The following EFEMP1 variants were observed in gnomAD, a reference collection of about 807,000 sequenced individuals.
EFEMP1 encodes the protein EGF-like fibulin extracellular matrix protein 1, also known as EGF-containing fibulin-like extracellular matrix protein 1.
Under a neutral mutation model 65.7 loss-of-function variants are expected in EFEMP1, and 18 were observed. The observed-to-expected ratio is 0.27, with a 90% CI of 0.19 to 0.41. The LOEUF is 0.41. Among genes scored for constraint, EFEMP1 ranks in the 10% least tolerant of loss-of-function variants. The pLI is 1.00. For synonymous variants in EFEMP1, 237 were observed against 219.7 expected (o/e 1.08, Z -0.70); for missense variants, 469 against 624.8 (o/e 0.75, Z 2.66).
At chr2:55,882,104 A>C (rs1358933295) in intron 5 of EFEMP1, among the ~76,000 whole-genome samples, 1 of 152,160 alleles carries the variant, frequency 6.6e-6, no homozygotes, top group Non-Finnish European at 1.5e-5. Flanking sequence ...TTTGTTAGAC[A>C]GGGATGCATC....
At chr2:55,878,172 G>C (rs1011995427) in intron 6 of EFEMP1, among the ~76,000 whole-genome samples, 5 of 152,098 alleles carry the variant, frequency 3.3e-5, no homozygotes, top group African/African-American at 9.7e-5. Flanking sequence ...GGAGCTAAAA[G>C]CTTATATATA....
In EFEMP1 at chr2:55,873,066, C is replaced by CACACA. The variant is rs55817415; in HGVS notation, c.1000+1879_1000+1880insTGTGT. 1.4e-5 allele frequency among the ~76,000 whole-genome samples: 2 copies of CACACA among 145,294 alleles called. No homozygotes were observed. Among genetic ancestry groups the CACACA allele is most frequent in the Admixed American group, 6.9e-5 (1 of 14,450 alleles). On this transcript the variant is annotated intron_variant, in intron 9 of 11. Transcript: ENST00000355426. The surrounding 1 kb of genome is among the most constrained non-coding windows in gnomAD (Gnocchi z 4.6). Reference sequence around the variant, plus strand: ...TTCTTTTGTCTCTCTGTCTCTCTCTCCACACACACACACACACACACACAC... The same window carrying CACACA: ...TTCTTTTGTCTCTCTGTCTCTCTCTCACACACACACACACACACACACACACACAC...
chr2:55,918,375 A>AT, intron 3 of EFEMP1, 108 bp from the exon 4 acceptor site: 1 of 1,290,852 alleles, frequency 7.7e-7, no homozygotes, highest in South Asian at 1.2e-5. Context: ...TCCTTGTGCT[A>AT]AAGTCCTAGA....
chr2:55,881,958 T>C (rs1032590448), intron 5 of EFEMP1, among the ~76,000 whole-genome samples: 1 of 152,206 alleles, frequency 6.6e-6, no homozygotes, highest in Non-Finnish European at 1.5e-5. Flanking sequence ...CATTTTGTCA[T>C]GTTGGTCTTG....
At chr2:55,893,365 G>A (rs1469642241) in intron 5 of EFEMP1, among the ~76,000 whole-genome samples, 1 of 152,076 alleles carries the variant, frequency 6.6e-6, no homozygotes, top group African/African-American at 2.4e-5. Flanking sequence ...TTTTTAGAAA[G>A]TCTGAGAATC....
chr2:55,906,096 C>T (rs1035737752), intron 5 of EFEMP1, among the ~76,000 whole-genome samples: 11 of 152,118 alleles, frequency 7.2e-5, no homozygotes, highest in Non-Finnish European at 1.6e-4. Flanking sequence ...GCTTAAATTG[C>T]ACGACAATTA....
chr2:55,900,432 C>T (rs972554576), intron 5 of EFEMP1, among the ~76,000 whole-genome samples: 4 of 152,070 alleles, frequency 2.6e-5, no homozygotes, highest in Admixed American at 2.0e-4. Context: ...ACTCAACTGG[C>T]TCACAGAGGT....
rs1669095176 is a variant in EFEMP1 at position 55,877,834 on chromosome 2, G to A, written c.672C>T (p.Cys224=). 2 of 1,613,152 alleles carry A rather than the reference G, an allele frequency of 1.2e-6. No individual in the cohort carries two copies. Among genetic ancestry groups the A allele is most frequent in the East Asian group, 4.5e-5 (2 of 44,854 alleles). The change falls in exon 7 of 12, where the codon TGC becomes TGT. Residue 224 remains cysteine, a synonymous_variant. Coordinates refer to ENST00000355426, the MANE Select transcript of EFEMP1 (RefSeq NM_001039348.3). The surrounding 1 kb of genome is among the most constrained non-coding windows in gnomAD (Gnocchi z 4.5). ...CTGGTGTATTCACGCATCTTTGGTG[G>A]CAATATGGAGGGATGGTACATTCAT... is the stretch of plus-strand genomic sequence containing the variant. ...DIDECTIPPY[C]HQRCVNTPGS... is the part of the protein sequence containing the mutation.
chr2:55,910,304 A>C (rs1264540348), intron 5 of EFEMP1, among the ~76,000 whole-genome samples: 1 of 152,118 alleles, frequency 6.6e-6, no homozygotes, highest in Non-Finnish European at 1.5e-5. Flanking sequence ...CCAATATTTG[A>C]AATGCAGTTT....
In EFEMP1 at chr2:55,885,808, G is replaced by A. The variant is rs1669401294; in HGVS notation, c.518-4074C>T. Among the ~76,000 whole-genome samples the A allele has an allele frequency of 6.6e-6, 1 of 152,020 alleles. No individual in the cohort carries two copies. The highest frequency in any genetic ancestry group is 2.1e-4 in the South Asian group (1 of 4,810). On this transcript the variant is annotated intron_variant, in intron 5 of 11. Coordinates refer to ENST00000355426, the MANE Select transcript of EFEMP1 (RefSeq NM_001039348.3). The surrounding 1 kb of genome is among the most constrained non-coding windows in gnomAD (Gnocchi z 4.3). ...GAGACAACTTTGTCCACATCTCTGTGGTGTCCATTAAGTCCCTGCTTAGGC... is the reference window on the plus strand; with the variant it reads ...GAGACAACTTTGTCCACATCTCTGTAGTGTCCATTAAGTCCCTGCTTAGGC...
intron 3 of EFEMP1, among the ~76,000 whole-genome samples, chr2:55,918,730 C>G (rs1397739223): frequency 6.7e-6 from 1 of 148,950 alleles, no homozygotes; most frequent in Non-Finnish European, 1.5e-5. Flanking sequence ...TCAAGCACCT[C>G]CATCTCACAC....
At position 55,871,087 on chromosome 2, in the gene EFEMP1, T is replaced by C. The variant is rs1668790660; in HGVS notation, c.1037A>G (p.Glu346Gly). 1 of 1,613,606 alleles carries C rather than the reference T, an allele frequency of 6.2e-7. No homozygotes were observed. The highest frequency in any genetic ancestry group is 8.5e-7 in the Non-Finnish European group (1 of 1,179,754). ...NECETTNECR[E>G]DEMCWNYHGG... Reference sequence around the variant, plus strand: ...ATGATAATTCCAACACATTTCATCCTCCCGGCATTCATTTGTGGTCTCACA... The same window carrying C: ...ATGATAATTCCAACACATTTCATCCCCCCGGCATTCATTTGTGGTCTCACA... The change falls in exon 10 of 12, where the codon GAG (glutamate) becomes GGG (glycine). Residue 346 changes from glutamate to glycine, a missense_variant. By Grantham distance (98) the Glu-to-Gly change is moderately conservative. Coordinates refer to ENST00000355426, the MANE Select transcript of EFEMP1 (RefSeq NM_001039348.3). This position sits in a 1 kb window ranked among gnomAD's most constrained non-coding sequence, Gnocchi z 4.2.
chr2:55,893,945 A>G (rs1417817263), intron 5 of EFEMP1, among the ~76,000 whole-genome samples: 1 of 152,208 alleles, frequency 6.6e-6, no homozygotes, highest in Non-Finnish European at 1.5e-5. Context: ...ACAGGCAAAC[A>G]CAGCCTTTCT....
Position 55,876,752 on chromosome 2 carries a change from AG to A in EFEMP1, c.761-11del, listed in dbSNP as rs779945400. ...TCACATTCATTTATATCTGAAAAAA[AG>A]TTTTATATATATATATATGTATATG... On this transcript the variant is annotated splice_polypyrimidine_tract_variant and intron_variant, in intron 7 of 11. Transcript: ENST00000355426. The A allele has an allele frequency of 6.5e-7, 1 of 1,532,834 alleles. No homozygotes were observed. The highest frequency in any genetic ancestry group is 1.2e-5 in the South Asian group (1 of 85,650). 95.0% of individuals were successfully genotyped at this position (1,532,834 alleles called of 1,614,324 possible).
In EFEMP1 at chr2:55,923,540, C is replaced by G. The variant is rs887363861; in HGVS notation, c.-49+171G>C. Among the ~76,000 whole-genome samples, 2 of 152,184 alleles carry G rather than the reference C, an allele frequency of 1.3e-5. No homozygotes were observed. Among genetic ancestry groups the G allele is most frequent in the African/African-American group, 4.8e-5 (2 of 41,454 alleles). On this transcript the variant is annotated intron_variant, in intron 1 of 11. Coordinates refer to ENST00000355426, the MANE Select transcript of EFEMP1 (RefSeq NM_001039348.3). The surrounding 1 kb of genome is among the most constrained non-coding windows in gnomAD (Gnocchi z 5.3). ...CGAGTACTCGCACTTGCTGACAGATCGCATTCCGAGGCTGCACACCTCCAC... is the reference window on the plus strand; with the variant it reads ...CGAGTACTCGCACTTGCTGACAGATGGCATTCCGAGGCTGCACACCTCCAC...
In EFEMP1 at chr2:55,877,683, T is replaced by A; in HGVS notation, c.760+63A>T. 3 of 1,609,252 alleles carry A rather than the reference T, an allele frequency of 1.9e-6. No individual in the cohort carries two copies. The highest frequency in any genetic ancestry group is 2.5e-6 in the Non-Finnish European group (3 of 1,176,716). Reference sequence around the variant, plus strand: ...CAAGAACATAGAAAACTGGAAATACTGCAACATGGCATGGGGTTTCCTTTT... The same window carrying A: ...CAAGAACATAGAAAACTGGAAATACAGCAACATGGCATGGGGTTTCCTTTT... On this transcript the variant is annotated intron_variant, in intron 7 of 11. Transcript: ENST00000355426. The surrounding 1 kb of genome is among the most constrained non-coding windows in gnomAD (Gnocchi z 4.5).
intron 5 of EFEMP1, among the ~76,000 whole-genome samples, chr2:55,908,223 G>A (rs997612259): frequency 6.6e-6 from 1 of 152,178 alleles, no homozygotes; most frequent in Non-Finnish European, 1.5e-5. Context: ...AAATGTCCAA[G>A]GTAAGATGGA....
In EFEMP1 at chr2:55,887,268, T is replaced by G. The variant is rs568599584; in HGVS notation, c.518-5534A>C. Among the ~76,000 whole-genome samples the G allele has an allele frequency of 2.0e-5, 3 of 152,334 alleles. No homozygotes were observed. In the East Asian group the frequency reaches 5.8e-4, roughly 29 times the overall value. On this transcript the variant is annotated intron_variant, in intron 5 of 11. Coordinates refer to ENST00000355426, the MANE Select transcript of EFEMP1 (RefSeq NM_001039348.3). ...CTGCAATTTAGGTCCTGAGGAAGAC[T>G]TATTTCCTATGAGTTCTGGAGAGTA...
At position 55,877,825 on chromosome 2, in the gene EFEMP1, T is replaced by C; in HGVS notation, c.681A>G (p.Arg227=). The part of the protein sequence containing the change: ...ECTIPPYCHQ[R]CVNTPGSFYC... ...AAAATGAGCCTGGTGTATTCACGCA[T>C]CTTTGGTGGCAATATGGAGGGATGG... The change falls in exon 7 of 12, where the codon AGA becomes AGG. Residue 227 remains arginine (R), a synonymous_variant. Transcript: ENST00000355426. The surrounding 1 kb of genome is among the most constrained non-coding windows in gnomAD (Gnocchi z 4.5). The C allele has an allele frequency of 1.2e-6, 2 of 1,613,312 alleles. No individual in the cohort carries two copies. The highest frequency in any genetic ancestry group is 1.7e-6 in the Non-Finnish European group (2 of 1,179,382).
Sources: gnomAD v4.1 joint callset for allele counts (sites outside exome capture counted in the v4.1 genomes callset) on GRCh38, gnomAD v4.1.1 for gene constraint, Gnocchi (gnomAD v3.1) non-coding constraint, MANE v1.5 for transcripts, NCBI Gene and HGNC (gene_info 2026-07-23, HGNC 2026-07-21) for gene names.